SPIDR: variants seen among roughly 807,000 people sequenced by gnomAD.
SPIDR encodes the protein DNA repair-scaffolding protein.
SPIDR carries 93 observed loss-of-function variants against 104.6 expected under a neutral mutation model. The observed-to-expected ratio is 0.89, with a 90% CI of 0.75 to 1.06. SPIDR has a LOEUF of 1.06. SPIDR is among the 50% of genes least tolerant of loss of function. SPIDR has a pLI of 0.00. For missense variants in SPIDR, 1,154 were observed against 1,111.2 expected, an observed-to-expected ratio of 1.04 and a Z score of -0.55; for synonymous variants, 431 against 416.9, an observed-to-expected ratio of 1.03 and a Z score of -0.41.
intron 10 of SPIDR, among the ~76,000 whole-genome samples, chr8:47,660,702 T>A (rs1250752487): frequency 6.6e-6 from 1 of 152,200 alleles, no homozygotes; most frequent in African/African-American, 2.4e-5. Context: ...TGTAGCTGAA[T>A]GATGAGGTCA....
chr8:47,574,710 C>T (rs1485144316), intron 8 of SPIDR, among the ~76,000 whole-genome samples: 3 of 145,134 alleles, frequency 2.1e-5, no homozygotes, highest in South Asian at 2.4e-4. Flanking sequence ...TGCTTGAACC[C>T]GGGAGGCAGC....
intron 5 of SPIDR, among the ~76,000 whole-genome samples, chr8:47,395,874 T>C (rs1163840496): frequency 1.3e-5 from 2 of 152,236 alleles, no homozygotes; most frequent in African/African-American, 2.4e-5. Context: ...AAAATAATTA[T>C]ATAATTGTAT....
chr8:47,414,187 T>A (rs1554673671), intron 7 of SPIDR, among the ~76,000 whole-genome samples: 1 of 152,152 alleles, frequency 6.6e-6, no homozygotes, highest in Admixed American at 6.5e-5. Flanking sequence ...TCTTAATTAT[T>A]GATATTAATA....
At chr8:47,713,170 C>A in intron 15 of SPIDR, 1 of 691,850 alleles carries the variant, frequency 1.4e-6, no homozygotes, top group Non-Finnish European at 2.2e-6. Context: ...AATGCGTATA[C>A]TTAGATCAGC....
chr8:47,553,725 A>T (rs994781172), intron 8 of SPIDR, among the ~76,000 whole-genome samples: 1 of 152,184 alleles, frequency 6.6e-6, no homozygotes, highest in African/African-American at 2.4e-5. Context: ...TGTTGTTACG[A>T]TCATCTGAAG....
chr8:47,604,083 A>G (rs1420215053), intron 10 of SPIDR, among the ~76,000 whole-genome samples: 1 of 152,228 alleles, frequency 6.6e-6, no homozygotes, highest in African/African-American at 2.4e-5. Context: ...CCCACACAAA[A>G]TACTTTACAA....
At chr8:47,326,114 C>T (rs1554600209) in intron 5 of SPIDR, among the ~76,000 whole-genome samples, 2 of 152,204 alleles carry the variant, frequency 1.3e-5, no homozygotes, top group African/African-American at 4.8e-5. Context: ...CCCACCTCTG[C>T]CTCCGAAGTA....
At chr8:47,538,000 C>A (rs1188468050) in intron 8 of SPIDR, among the ~76,000 whole-genome samples, 1 of 151,772 alleles carries the variant, frequency 6.6e-6, no homozygotes, top group African/African-American at 2.4e-5. Flanking sequence ...AACGGTGAAA[C>A]CCCATCTCTA....
At chr8:47,416,573 G>C (rs2064335274) in intron 7 of SPIDR, among the ~76,000 whole-genome samples, 1 of 151,978 alleles carries the variant, frequency 6.6e-6, no homozygotes, top group Admixed American at 6.6e-5. Context: ...TATGGTAAGG[G>C]CATGTTTTGT....
chr8:47,598,995 A>T lies in SPIDR; in HGVS notation c.1343A>T (p.His448Leu). 6.2e-7 allele frequency: 1 copy of T among 1,613,876 alleles called. No homozygotes were observed. The highest frequency in any genetic ancestry group is 8.5e-7 in the Non-Finnish European group (1 of 1,179,880). The change falls in exon 10 of 20, where the codon CAC (histidine) becomes CTC (leucine). Residue 448 changes from histidine to leucine, a missense_variant. His to Leu is a moderately conservative substitution (Grantham distance 99). Coordinates refer to ENST00000297423, the MANE Select transcript of SPIDR (RefSeq NM_001080394.4). ...ATTGTAWTHG[H>L]KEAKQRIPTS... ...ACAGGGACAGCCTGGACCCATGGGCACAAAGAAGCAAAACAGCGCATCCCA... is the reference window on the plus strand; with the variant it reads ...ACAGGGACAGCCTGGACCCATGGGCTCAAAGAAGCAAAACAGCGCATCCCA...
chr8:47,424,567 C>G (rs1354047833), intron 7 of SPIDR, among the ~76,000 whole-genome samples: 1 of 152,200 alleles, frequency 6.6e-6, no homozygotes, highest in Non-Finnish European at 1.5e-5. Context: ...AACCTCCCTT[C>G]TCAGTCTCCC....
chr8:47,564,899 G>A (rs1202249331), intron 8 of SPIDR, among the ~76,000 whole-genome samples: 1 of 152,058 alleles, frequency 6.6e-6, no homozygotes, highest in East Asian at 1.9e-4. Flanking sequence ...GAAGTATCAA[G>A]CAAAACTGGG....
At chr8:47,479,011 A>C (rs1273077327) in intron 8 of SPIDR, among the ~76,000 whole-genome samples, 1 of 152,088 alleles carries the variant, frequency 6.6e-6, no homozygotes, top group South Asian at 2.1e-4. Flanking sequence ...TTTGGTTAGG[A>C]AGGTATTCAT....
intron 8 of SPIDR, among the ~76,000 whole-genome samples, chr8:47,552,654 C>T (rs1218357426): frequency 2.0e-5 from 3 of 152,014 alleles, no homozygotes; most frequent in African/African-American, 7.2e-5. Context: ...CTATTTGTGT[C>T]TCTGCATGTG....
rs35199139 is a variant in SPIDR at position 47,567,780 on chromosome 8, C to CTT, written c.1098-28009_1098-28008dup. 7.7e-3 allele frequency among the ~76,000 whole-genome samples: 549 copies of CTT among 71,024 alleles called. 1 individual carries two copies. The highest frequency in any genetic ancestry group is 9.2e-3 in the Non-Finnish European group (368 of 39,808). The allele number at this position is 71,024 out of a possible 152,430, so 46.6% of individuals were successfully genotyped here. A position where few individuals can be genotyped will look rare whatever the true frequency, so the allele number is the denominator to read the frequency against. On this transcript the variant is annotated intron_variant, in intron 8 of 19. Transcript: ENST00000297423. ...TCTTCTTTTCTTTTCTTTTCTTTTT[C>CTT]TTTTTTTTTTTTTTTTTTTTTTTGA...
At chr8:47,355,611 C>T (rs1587598368) in intron 5 of SPIDR, among the ~76,000 whole-genome samples, 2 of 152,300 alleles carry the variant, frequency 1.3e-5, no homozygotes, top group Admixed American at 6.5e-5. Context: ...TAAAACCAAA[C>T]ATTATCAGAA....
At chr8:47,731,703 C>G (rs1337268726) in intron 19 of SPIDR, among the ~76,000 whole-genome samples, 1 of 152,204 alleles carries the variant, frequency 6.6e-6, no homozygotes, top group Admixed American at 6.5e-5. Context: ...GGCAACCGAC[C>G]ACACAGCAGT....
intron 5 of SPIDR, among the ~76,000 whole-genome samples, chr8:47,387,478 G>T (rs190094810): frequency 6.6e-6 from 1 of 152,300 alleles, no homozygotes. Context: ...GGGAATGGGT[G>T]GAGAGAAGGG....
chr8:47,377,582 TTC>T (rs1468267216), intron 5 of SPIDR, among the ~76,000 whole-genome samples: 3 of 152,230 alleles, frequency 2.0e-5, no homozygotes, highest in African/African-American at 7.2e-5. Context: ...AGGATTTTTA[TTC>T]TGATTCAGTT....
Sources: gnomAD v4.1 joint callset for allele counts (sites outside exome capture counted in the v4.1 genomes callset) on GRCh38, gnomAD v4.1.1 for gene constraint, MANE v1.5 for transcripts, NCBI Gene and HGNC (gene_info 2026-07-23, HGNC 2026-07-21) for gene names.